CDC42: variants seen among roughly 807,000 people sequenced by gnomAD.
CDC42 encodes the protein cell division cycle 42, also known as cell division control protein 42 homolog.
Under a neutral mutation model 20.8 loss-of-function variants are expected in CDC42, and 1 was observed. The ratio of observed to expected loss-of-function variants is 0.05; its 90% CI spans 0.02 to 0.23. CDC42 has a LOEUF of 0.23. Ranked by LOEUF, CDC42 falls within the 10% of genes least tolerant of loss-of-function variation. CDC42 has a pLI of 1.00. For missense variants in CDC42, 49 were observed against 227.9 expected (o/e 0.21, Z 5.05); for synonymous variants, 72 against 84.8 (o/e 0.85, Z 0.83).
rs1489617504 is a variant in CDC42 at position 22,100,742 on chromosome 1, C to T, written c.*9225C>T. The T allele has an allele frequency of 1.3e-5, 2 of 152,190 alleles. No individual in the cohort carries two copies. Among genetic ancestry groups the T allele is most frequent in the Non-Finnish European group, 2.9e-5 (2 of 68,028 alleles). 9.4% of individuals were successfully genotyped at this position (152,190 alleles called of 1,614,324 possible). ...CAGTGAGGGGCTTCCTCCTCATACT[C>T]ATTGCCAGGAGTAGAGTAAGGCTTT... On this transcript the variant is annotated 3_prime_UTR_variant, in exon 6 of 6. Coordinates refer to ENST00000656825, the MANE Select transcript of CDC42 (RefSeq NM_001791.4).
intron 1 of CDC42, among the ~76,000 whole-genome samples, chr1:22,060,974 CA>C (rs1420431272): frequency 6.6e-6 from 1 of 151,896 alleles, no homozygotes; most frequent in Non-Finnish European, 1.5e-5. Context: ...ATCATAGGGG[CA>C]AAGGAAATGT....
chr1:22,066,661 A>C (rs780801815), intron 1 of CDC42, among the ~76,000 whole-genome samples: 1 of 149,496 alleles, frequency 6.7e-6, no homozygotes, highest in Non-Finnish European at 1.5e-5. Flanking sequence ...ATTGCCCTGG[A>C]TAATGTGGTC....
chr1:22,076,755 C>A (rs1357494823), intron 1 of CDC42, among the ~76,000 whole-genome samples: 1 of 152,012 alleles, frequency 6.6e-6, no homozygotes, highest in Non-Finnish European at 1.5e-5. Flanking sequence ...GGTTGTTAAT[C>A]TTTAATGCTG....
Position 22,061,940 on chromosome 1 carries a change from T to A in CDC42, c.-51+9198T>A, listed in dbSNP as rs28673632. The stretch of plus-strand genomic sequence containing the variant: ...TATGGAACACCCTTTTTTATTTTAT[T>A]TATTTCTTTTTTTTGGAGAACGGAT... On this transcript the variant is annotated intron_variant, in intron 1 of 5. Transcript: ENST00000656825. Among the ~76,000 whole-genome samples the A allele has an allele frequency of 3.4e-3, 523 of 151,790 alleles. 2 individuals are homozygous for A. The highest frequency in any genetic ancestry group is 0.01 in the African/African-American group (428 of 41,386).
At chr1:22,062,477 A>G (rs539590635) in intron 1 of CDC42, among the ~76,000 whole-genome samples, 1 of 152,318 alleles carries the variant, frequency 6.6e-6, no homozygotes, top group African/African-American at 2.4e-5. Context: ...GATTTCTGAT[A>G]TAGGCTGGCA....
At position 22,099,672 on chromosome 1, in the gene CDC42, G is replaced by T. The variant is rs1006697652; in HGVS notation, c.*8155G>T. ...GGGGGAGGTGACTTTAGGATCAGTT[G>T]TAGCATGAGAGAATATGACACCTTC... is the stretch of plus-strand genomic sequence containing the variant. On this transcript the variant is annotated 3_prime_UTR_variant, in exon 6 of 6. Transcript: ENST00000656825. Among the ~76,000 whole-genome samples, 1 of 152,180 alleles carries T rather than the reference G, an allele frequency of 6.6e-6. No homozygotes were observed. Among genetic ancestry groups the T allele is most frequent in the Non-Finnish European group, 1.5e-5 (1 of 68,026 alleles).
chr1:22,056,275 C>T (rs908581186), intron 1 of CDC42, among the ~76,000 whole-genome samples: 1 of 152,156 alleles, frequency 6.6e-6, no homozygotes, highest in Non-Finnish European at 1.5e-5. Flanking sequence ...TCAGCCATAT[C>T]TTTATTTGGG....
At chr1:22,090,416 T>G (rs1046443404) in intron 5 of CDC42, 2 of 998,990 alleles carry the variant, frequency 2.0e-6, no homozygotes, top group African/African-American at 3.5e-5. Flanking sequence ...TTTACTCTTA[T>G]GATCAATTGT....
At chr1:22,069,267 C>G (rs1347517344) in intron 1 of CDC42, among the ~76,000 whole-genome samples, 3 of 146,456 alleles carry the variant, frequency 2.0e-5, no homozygotes, top group Non-Finnish European at 4.5e-5. Flanking sequence ...CCTCTGCCTC[C>G]TGGGTTCAAG....
chr1:22,060,960 G>C (rs866442764), intron 1 of CDC42, among the ~76,000 whole-genome samples: 7 of 152,106 alleles, frequency 4.6e-5, no homozygotes, highest in African/African-American at 1.7e-4. Context: ...TATTTGCTCT[G>C]TTCATCATAG....
chr1:22,101,265 T>C lies in CDC42; in HGVS notation c.*9748T>C, dbSNP rs189138148. On this transcript the variant is annotated 3_prime_UTR_variant, in exon 6 of 6. Coordinates refer to ENST00000656825, the MANE Select transcript of CDC42 (RefSeq NM_001791.4). Reference sequence around the variant, plus strand: ...AGAGCTCTCAGTTGGAAGTTGAAGATCCAGGTTCTAGTTGAGGCACCAGAG... The same window carrying C: ...AGAGCTCTCAGTTGGAAGTTGAAGACCCAGGTTCTAGTTGAGGCACCAGAG... The C allele has an allele frequency of 6.6e-6, 1 of 152,360 alleles. No homozygotes were observed. Among genetic ancestry groups the C allele is most frequent in the Admixed American group, 6.5e-5 (1 of 15,302 alleles). The allele number at this position is 152,360 out of a possible 1,614,324, so 9.4% of individuals were successfully genotyped here.
intron 3 of CDC42, among the ~76,000 whole-genome samples, chr1:22,083,655 C>G (rs1038809134): frequency 6.6e-6 from 1 of 151,996 alleles, no homozygotes; most frequent in African/African-American, 2.4e-5. Context: ...TTTTGCTGAC[C>G]CTCCACCATA....
At chr1:22,086,988 C>T in intron 5 of CDC42, 122 bp downstream of exon 5, 1 of 769,538 alleles carries the variant, frequency 1.3e-6, no homozygotes, top group Non-Finnish European at 2.2e-6. Flanking sequence ...AGAATATGAA[C>T]AGCTTCATAT....
intron 1 of CDC42, among the ~76,000 whole-genome samples, chr1:22,055,867 G>T (rs1040802470): frequency 7.9e-5 from 10 of 126,662 alleles, no homozygotes; most frequent in East Asian, 4.5e-4. Flanking sequence ...TTGTTTTAGA[G>T]TTTTTTTTTT....
At chr1:22,054,714 T>C (rs1270329852) in intron 1 of CDC42, among the ~76,000 whole-genome samples, 1 of 151,804 alleles carries the variant, frequency 6.6e-6, no homozygotes, top group African/African-American at 2.4e-5. Context: ...TACAGACCAT[T>C]GGATAGGTGT....
At chr1:22,067,090 C>G (rs1055857317) in intron 1 of CDC42, among the ~76,000 whole-genome samples, 7 of 152,080 alleles carry the variant, frequency 4.6e-5, no homozygotes, top group Non-Finnish European at 8.8e-5. Flanking sequence ...GTAGCTAGAG[C>G]ATGGAGAGTA....
At chr1:22,085,956 C>G (rs1645657754) in intron 3 of CDC42, among the ~76,000 whole-genome samples, 1 of 152,178 alleles carries the variant, frequency 6.6e-6, no homozygotes, top group Non-Finnish European at 1.5e-5. Flanking sequence ...CGTGATTCTT[C>G]TGCCTCAGCC....
rs1473393793 is a variant in CDC42, at chr1:22,095,930, C to A, written c.*4413C>A. Among the ~76,000 whole-genome samples the A allele has an allele frequency of 6.6e-6, 1 of 152,014 alleles. No individual in the cohort carries two copies. The highest frequency in any genetic ancestry group is 1.5e-5 in the Non-Finnish European group (1 of 68,014). The stretch of plus-strand genomic sequence containing the variant: ...TAGCCGATCCCAAGTCAGTGCTATT[C>A]ATTCATTTTTTTAAAAAAATTTATT... On this transcript the variant is annotated 3_prime_UTR_variant, in exon 6 of 6. Coordinates refer to ENST00000656825, the MANE Select transcript of CDC42 (RefSeq NM_001791.4).
chr1:22,081,669 C>A, intron 2 of CDC42, 53 bp from the exon 3 acceptor site: 1 of 1,091,504 alleles, frequency 9.2e-7, no homozygotes, highest in Non-Finnish European at 1.4e-6. Context: ...TTGTCCTGTC[C>A]CATTTTAACT....
Sources: gnomAD v4.1 joint callset for allele counts (sites outside exome capture counted in the v4.1 genomes callset) on GRCh38, gnomAD v4.1.1 for gene constraint, MANE v1.5 for transcripts, NCBI Gene and HGNC (gene_info 2026-07-23, HGNC 2026-07-21) for gene names.